The following AGBL4 variants were observed in gnomAD, a reference collection of about 807,000 sequenced individuals.
The protein encoded by AGBL4 is AGBL carboxypeptidase 4.
AGBL4 carries 58 observed loss-of-function variants against 66.4 expected under a neutral mutation model. That is an observed-to-expected ratio of 0.87 (90% CI 0.71 to 1.09). The LOEUF is 1.09. Among genes scored for constraint, AGBL4 ranks in the 50% least tolerant of loss-of-function variants. The pLI, the probability that AGBL4 is intolerant of heterozygous loss-of-function variation, is 0.00. For missense variants in AGBL4, 579 were observed against 631.0 expected (o/e 0.92, Z 0.88); for synonymous variants, 234 against 222.9 (o/e 1.05, Z -0.44).
intron 2 of AGBL4, among the ~76,000 whole-genome samples, chr1:49,841,331 A>C (rs1645983251): frequency 6.6e-6 from 1 of 152,220 alleles, no homozygotes; most frequent in South Asian, 2.1e-4. Flanking sequence ...AACACTGCTG[A>C]AAGAAATCAG....
chr1:49,225,299 G>A (rs766280909), intron 4 of AGBL4, among the ~76,000 whole-genome samples: 1 of 152,140 alleles, frequency 6.6e-6, no homozygotes, highest in Non-Finnish European at 1.5e-5. Flanking sequence ...AATATCTGTG[G>A]AATTGAATTG....
intron 2 of AGBL4, among the ~76,000 whole-genome samples, chr1:49,834,991 A>G (rs144705230): frequency 1.8e-4 from 28 of 152,288 alleles, no homozygotes; most frequent in Non-Finnish European, 3.8e-4. Flanking sequence ...TTTACTTCCA[A>G]TTATGTGGTC....
At chr1:49,917,358 A>G (rs962159306) in intron 1 of AGBL4, among the ~76,000 whole-genome samples, 2 of 152,038 alleles carry the variant, frequency 1.3e-5, no homozygotes, top group Admixed American at 1.3e-4. Context: ...GTGCAGACAC[A>G]CATAGGCTCA....
chr1:49,281,020 A>C (rs1335045012), intron 3 of AGBL4, among the ~76,000 whole-genome samples: 1 of 152,228 alleles, frequency 6.6e-6, no homozygotes, highest in African/African-American at 2.4e-5. Flanking sequence ...TTTGTTGAAC[A>C]CTAAGTTCCA....
intron 4 of AGBL4, among the ~76,000 whole-genome samples, chr1:49,056,536 G>A (rs1205007517): frequency 6.6e-6 from 1 of 152,120 alleles, no homozygotes; most frequent in African/African-American, 2.4e-5. Context: ...GCAGAAATAA[G>A]TTTTTGTGTC....
intron 6 of AGBL4, chr1:48,758,900 C>A: frequency 6.6e-7 from 1 of 1,511,040 alleles, no homozygotes; most frequent in South Asian, 1.3e-5. Flanking sequence ...GGGCACTCAC[C>A]GCTGCCAAGC....
chr1:49,925,062 A>C (rs1652629547), intron 1 of AGBL4, among the ~76,000 whole-genome samples: 1 of 152,210 alleles, frequency 6.6e-6, no homozygotes, highest in Admixed American at 6.5e-5. Context: ...CGAGGTGGCT[A>C]AGGGAGTGCT....
rs1028427719 is a variant in AGBL4 at position 48,711,175 on chromosome 1, T to C, written c.635-47934A>G. 3.9e-5 allele frequency among the ~76,000 whole-genome samples: 6 copies of C among 152,106 alleles called. No homozygotes were observed. The East Asian group carries it at 1.2e-3, about 29-fold the overall frequency. ...GTCAGCATCCACAGAGTCTACTGAC[T>C]GGAGGATGACAAAGGCTGGGCTGCA... On this transcript the variant is annotated intron_variant, in intron 6 of 13. Transcript: ENST00000371839.
At chr1:48,595,748 A>G (rs1644985260) in intron 9 of AGBL4, among the ~76,000 whole-genome samples, 1 of 152,140 alleles carries the variant, frequency 6.6e-6, no homozygotes, top group Non-Finnish European at 1.5e-5. Flanking sequence ...CCAGGGAGGA[A>G]ATGGGTTTTC....
rs185168015 is a variant in AGBL4 at position 49,534,285 on chromosome 1, T to G, written c.282+163028A>C. On this transcript the variant is annotated intron_variant, in intron 3 of 13. Coordinates refer to ENST00000371839, the MANE Select transcript of AGBL4 (RefSeq NM_032785.4). ...ATGATGTTCTTTAAATAGAAGTCAG[T>G]ATATTTCTGTAAATTAGTTAGTCAA... 2.6e-5 allele frequency among the ~76,000 whole-genome samples: 4 copies of G among 151,544 alleles called. No individual in the cohort carries two copies. The East Asian group carries it at 7.8e-4, about 29-fold the overall frequency.
At chr1:49,761,236 C>A (rs1392349826) in intron 2 of AGBL4, among the ~76,000 whole-genome samples, 1 of 150,856 alleles carries the variant, frequency 6.6e-6, no homozygotes, top group African/African-American at 2.4e-5. Context: ...AAATTGTTTT[C>A]AAGAGTTTAT....
chr1:49,856,994 A>G (rs1451109443), intron 1 of AGBL4, among the ~76,000 whole-genome samples: 1 of 152,070 alleles, frequency 6.6e-6, no homozygotes, highest in East Asian at 1.9e-4. Context: ...TCTGCCAAAA[A>G]AAAAAAACTG....
chr1:49,849,273 T>G (rs1442503646), intron 2 of AGBL4, among the ~76,000 whole-genome samples: 2 of 151,992 alleles, frequency 1.3e-5, no homozygotes, highest in African/African-American at 4.8e-5. Flanking sequence ...CACGGGATTG[T>G]GAAACTCAGG....
rs1645438821 is a variant in AGBL4 at position 48,787,552 on chromosome 1, T to C, written c.634+79639A>G. 1.3e-5 allele frequency among the ~76,000 whole-genome samples: 2 copies of C among 152,236 alleles called. 1 individual carries two copies. Among genetic ancestry groups the C allele is most frequent in the South Asian group, 4.1e-4 (2 of 4,832 alleles). ...AAAATCCTTTCCCTCCAAGTTTTTA[T>C]ATTATAATGGAAAACTGACTCATAT... On this transcript the variant is annotated intron_variant, in intron 6 of 13. Transcript: ENST00000371839.
At chr1:49,474,375 T>C (rs1646807256) in intron 3 of AGBL4, among the ~76,000 whole-genome samples, 1 of 152,022 alleles carries the variant, frequency 6.6e-6, no homozygotes, top group Non-Finnish European at 1.5e-5. Context: ...TGGGTACTTT[T>C]GTGTGTAAAT....
chr1:48,546,209 T>C (rs1644156047), intron 11 of AGBL4, among the ~76,000 whole-genome samples: 3 of 152,208 alleles, frequency 2.0e-5, no homozygotes, highest in South Asian at 2.1e-4. Context: ...GATGAGGAAA[T>C]TGAAAATCAG....
At chr1:48,740,566 T>G (rs1168731644) in intron 6 of AGBL4, among the ~76,000 whole-genome samples, 1 of 152,270 alleles carries the variant, frequency 6.6e-6, no homozygotes, top group Non-Finnish European at 1.5e-5. Context: ...GTATACTATT[T>G]GACCAAAGTG....
At chr1:49,548,963 C>T (rs1257021299) in intron 3 of AGBL4, among the ~76,000 whole-genome samples, 2 of 151,990 alleles carry the variant, frequency 1.3e-5, no homozygotes, top group African/African-American at 2.4e-5. Context: ...TGTTATTGGT[C>T]TGTTCATGGT....
chr1:49,497,380 ATTTG>A (rs1647698984), intron 3 of AGBL4, among the ~76,000 whole-genome samples: 1 of 151,796 alleles, frequency 6.6e-6, no homozygotes, highest in Non-Finnish European at 1.5e-5. Flanking sequence ...ACGTAATTAC[ATTTG>A]TTTATTTTCA....
Sources: gnomAD v4.1 joint callset for allele counts (sites outside exome capture counted in the v4.1 genomes callset) on GRCh38, gnomAD v4.1.1 for gene constraint, MANE v1.5 for transcripts, NCBI Gene and HGNC (gene_info 2026-07-23, HGNC 2026-07-21) for gene names.